CTNNA2: variants seen among roughly 807,000 people sequenced by gnomAD.
The protein encoded by CTNNA2 is catenin alpha-2.
CTNNA2 carries 42 observed loss-of-function variants against 101.0 expected under a neutral mutation model. The observed-to-expected ratio is 0.42, with a 90% CI of 0.32 to 0.54. The LOEUF (loss-of-function observed/expected upper bound fraction) is 0.54. Among genes scored for constraint, CTNNA2 ranks in the 20% least tolerant of loss-of-function variants. CTNNA2 has a pLI of 0.14. For synonymous variants in CTNNA2, 450 were observed against 456.4 expected (o/e 0.99, Z 0.18); for missense variants, 871 against 1,223.1 (o/e 0.71, Z 4.29).
chr2:80,556,036 T>C lies in CTNNA2; in HGVS notation c.1741+143T>C, dbSNP rs1693000571. ...TGGAATGGGTGGAATACTTGAGTGT[T>C]CTCTTTGTTTTTTGAGTTTGAATTT... On this transcript the variant is annotated intron_variant, in intron 12 of 18. Coordinates refer to ENST00000402739, the MANE Select transcript of CTNNA2 (RefSeq NM_001282597.3). The C allele has an allele frequency of 9.8e-6, 5 of 508,880 alleles. No individual in the cohort carries two copies. The East Asian group carries it at 1.7e-4, about 17-fold the overall frequency. The allele number at this position is 508,880 out of a possible 1,614,324, so 31.5% of individuals were successfully genotyped here.
intron 1 of CTNNA2, among the ~76,000 whole-genome samples, chr2:79,616,909 C>CTTTTTTTTTTTTTTTTTT (rs1425285033): frequency 9.6e-5 from 14 of 146,416 alleles, no homozygotes; most frequent in East Asian, 8.1e-4. Context: ...TTCTTTCTTT[C>CTTTTTTTTTTTTTTTTTT]TTTTTTTTTC....
intron 9 of CTNNA2, among the ~76,000 whole-genome samples, chr2:80,428,207 C>G (rs2149421062): frequency 6.6e-6 from 1 of 152,244 alleles, no homozygotes; most frequent in East Asian, 1.9e-4. Flanking sequence ...GGAAAAATTA[C>G]AGAGATTAAA....
intron 4 of CTNNA2, among the ~76,000 whole-genome samples, chr2:79,466,499 A>G (rs1410965874): frequency 1.3e-5 from 2 of 152,172 alleles, no homozygotes; most frequent in Non-Finnish European, 2.9e-5. Context: ...GAAGACTTAA[A>G]TGTCCCTGTC....
At chr2:79,913,147 G>C (rs1412848513) in intron 7 of CTNNA2, among the ~76,000 whole-genome samples, 2 of 152,226 alleles carry the variant, frequency 1.3e-5, no homozygotes, top group Non-Finnish European at 2.9e-5. Flanking sequence ...AGTCACTTCA[G>C]ATAGTGATAT....
intron 12 of CTNNA2, among the ~76,000 whole-genome samples, chr2:80,568,834 A>G (rs1694299747): frequency 1.3e-5 from 2 of 152,210 alleles, no homozygotes; most frequent in African/African-American, 4.8e-5. Flanking sequence ...AAGTCTGTCT[A>G]ACTGGAACAT....
At chr2:79,563,157 A>G (rs1262227958) in intron 1 of CTNNA2, among the ~76,000 whole-genome samples, 4 of 57,470 alleles carry the variant, frequency 7.0e-5, no homozygotes, top group Non-Finnish European at 1.5e-4. Context: ...AATAATAAAG[A>G]TGTGTATATA....
intron 9 of CTNNA2, among the ~76,000 whole-genome samples, chr2:80,533,851 C>T (rs558672536): frequency 1.3e-5 from 2 of 152,100 alleles, no homozygotes; most frequent in Non-Finnish European, 2.9e-5. Flanking sequence ...ACATTCCCGG[C>T]ATGGTTTAAG....
intron 9 of CTNNA2, among the ~76,000 whole-genome samples, chr2:80,491,977 C>T (rs760604293): frequency 6.6e-5 from 10 of 152,152 alleles, no homozygotes; most frequent in Non-Finnish European, 1.2e-4. Context: ...GGCAAACAGA[C>T]AGCCATGATA....
intron 6 of CTNNA2, among the ~76,000 whole-genome samples, chr2:79,899,996 G>C (rs1684973074): frequency 6.6e-6 from 1 of 152,196 alleles, no homozygotes; most frequent in South Asian, 2.1e-4. Context: ...TACAGGGAGA[G>C]TAAGTGTTTA....
intron 7 of CTNNA2, among the ~76,000 whole-genome samples, chr2:80,275,708 G>T (rs185710486): frequency 2.2e-4 from 33 of 152,224 alleles, no homozygotes; most frequent in African/African-American, 7.2e-4. Context: ...TTCAGAGAGA[G>T]AGAGAAAGAG....
At chr2:79,490,285 G>A (rs893873464) in intron 4 of CTNNA2, among the ~76,000 whole-genome samples, 1 of 151,992 alleles carries the variant, frequency 6.6e-6, no homozygotes, top group South Asian at 2.1e-4. Flanking sequence ...TTCAAATACC[G>A]GTCTGTCTTT....
intron 8 of CTNNA2, among the ~76,000 whole-genome samples, chr2:80,416,825 A>C (rs1157276715): frequency 2.0e-5 from 3 of 152,016 alleles, no homozygotes; most frequent in Non-Finnish European, 4.4e-5. Flanking sequence ...CATTTTTATC[A>C]GATTTTGTAT....
chr2:79,849,662 A>G lies in CTNNA2; in HGVS notation c.299-8351A>G, dbSNP rs577957330. Among the ~76,000 whole-genome samples, 24 of 152,328 alleles carry G rather than the reference A, an allele frequency of 1.6e-4. 2 individuals are homozygous for G. In the South Asian group the frequency reaches 5.0e-3, roughly 32 times the overall value. ...GCTAGCAAAGGCCTATGTGGGCAAA[A>G]CAGAGGAGAAGCAAAGGAGTTGCTC... is the stretch of plus-strand genomic sequence containing the variant. On this transcript the variant is annotated intron_variant, in intron 3 of 18. Coordinates refer to ENST00000402739, the MANE Select transcript of CTNNA2 (RefSeq NM_001282597.3).
At chr2:79,593,880 G>GTTTTTTT (rs945227300) in intron 1 of CTNNA2, among the ~76,000 whole-genome samples, 75 of 85,440 alleles carry the variant, frequency 8.8e-4, no homozygotes, top group African/African-American at 1.4e-3. Flanking sequence ...CTTTCTTTTA[G>GTTTTTTT]TTTTTTTTTT....
In CTNNA2 at chr2:79,952,906, G is replaced by C. The variant is rs116218757; in HGVS notation, c.1056+43109G>C. Among the ~76,000 whole-genome samples the C allele has an allele frequency of 5.8e-3, 886 of 152,294 alleles. 4 individuals are homozygous for C. The highest frequency in any genetic ancestry group is 0.01 in the Non-Finnish European group (688 of 68,040). ...TATCCCTACTTTAGAATGTATGCGT[G>C]AAGCTATGTTAACTTGTATTATTTA... is the stretch of plus-strand genomic sequence containing the variant. On this transcript the variant is annotated intron_variant, in intron 7 of 18. Coordinates refer to ENST00000402739, the MANE Select transcript of CTNNA2 (RefSeq NM_001282597.3).
intron 11 of CTNNA2, among the ~76,000 whole-genome samples, chr2:80,551,132 A>C (rs968980868): frequency 6.6e-6 from 1 of 152,178 alleles, no homozygotes; most frequent in Admixed American, 6.5e-5. Flanking sequence ...GACCAGGTGC[A>C]TTTTCAATGA....
chr2:79,635,349 G>C (rs112967972), intron 1 of CTNNA2, among the ~76,000 whole-genome samples: 5,253 of 151,770 alleles, frequency 0.035, 125 homozygotes, highest in Non-Finnish European at 0.052. Flanking sequence ...GGAGAATGGC[G>C]TGAACCCGGG....
intron 7 of CTNNA2, among the ~76,000 whole-genome samples, chr2:80,041,505 C>T (rs1007168896): frequency 6.6e-6 from 1 of 152,072 alleles, no homozygotes; most frequent in African/African-American, 2.4e-5. Context: ...GATAATGCAG[C>T]TGCTTGTATA....
chr2:80,357,294 A>G (rs1332048885), intron 7 of CTNNA2, among the ~76,000 whole-genome samples: 1 of 148,998 alleles, frequency 6.7e-6, no homozygotes, highest in Non-Finnish European at 1.5e-5. Context: ...TTTTTTGGTA[A>G]GCAAGGAAGG....
Sources: allele counts gnomAD v4.1 joint callset (sites outside exome capture counted in the v4.1 genomes callset), GRCh38; gene constraint gnomAD v4.1.1; transcripts MANE v1.5; gene names NCBI Gene and HGNC (gene_info 2026-07-23, HGNC 2026-07-21).